The following UGT1A7 variants were observed in gnomAD, a reference collection of about 807,000 sequenced individuals.
UGT1A7 encodes UDP glucuronosyltransferase family 1 member A7, also known as UDP-glucuronosyltransferase 1A7.
In UGT1A7, 33 loss-of-function variants were observed where a neutral mutation model predicts 45.6. That is an observed-to-expected ratio of 0.72 (90% CI 0.55 to 0.97). The LOEUF (loss-of-function observed/expected upper bound fraction) is 0.97. Among genes scored for constraint, UGT1A7 ranks in the 50% least tolerant of loss-of-function variants. The pLI is 0.00. For synonymous variants in UGT1A7, 274 were observed against 250.6 expected (o/e 1.09, Z -0.88); for missense variants, 684 against 666.2 (o/e 1.03, Z -0.29).
chr2:233,724,332 G>A (rs1575552340), intron 1 of UGT1A7, among the ~76,000 whole-genome samples: 1 of 147,638 alleles, frequency 6.8e-6, no homozygotes, highest in Admixed American at 6.7e-5. Context: ...TGGCCAGGCG[G>A]GGGGCTGACC....
At chr2:233,726,821 A>G (rs4294999) in intron 1 of UGT1A7, among the ~76,000 whole-genome samples, 81,640 of 151,974 alleles carry the variant, frequency 0.54, 23,585 homozygotes, top group African/African-American at 0.76. Context: ...CCTCTATTCG[A>G]CCATTTAAAT....
At chr2:233,700,043 A>T (rs2075539170) in intron 1 of UGT1A7, among the ~76,000 whole-genome samples, 1 of 152,220 alleles carries the variant, frequency 6.6e-6, no homozygotes, top group South Asian at 2.1e-4. Context: ...ATCTAAATCA[A>T]TTCCAAGTGA....
rs71398794 is a variant in UGT1A7, at chr2:233,687,583, TAA to T, written c.855+4814_855+4815del. ...AGAATTCAAGACCATACATTCTTTG[TAA>T]AAAAAAAAAAAAAAAAAAAAAAGGA... On this transcript the variant is annotated intron_variant, in intron 1 of 4. Coordinates refer to ENST00000373426, the MANE Select transcript of UGT1A7 (RefSeq NM_019077.3). Among the ~76,000 whole-genome samples, 1,070 of 107,386 alleles carry T rather than the reference TAA, an allele frequency of 1.0e-2. 22 individuals are homozygous for T. The highest frequency in any genetic ancestry group is 0.033 in the African/African-American group (983 of 29,662). 70.4% of individuals were successfully genotyped at this position (107,386 alleles called of 152,430 possible).
At chr2:233,725,066 A>G (rs1162787353) in intron 1 of UGT1A7, among the ~76,000 whole-genome samples, 1 of 146,718 alleles carries the variant, frequency 6.8e-6, no homozygotes, top group South Asian at 2.3e-4. Flanking sequence ...GCGCGCCTGC[A>G]ATCGCAGGCA....
chr2:233,687,706 C>G (rs2074858956), intron 1 of UGT1A7, among the ~76,000 whole-genome samples: 1 of 151,774 alleles, frequency 6.6e-6, no homozygotes, highest in African/African-American at 2.4e-5. Flanking sequence ...AGTTTGAGAC[C>G]AGCCTGGACA....
At chr2:233,687,087 G>A (rs1165875503) in intron 1 of UGT1A7, among the ~76,000 whole-genome samples, 2 of 152,182 alleles carry the variant, frequency 1.3e-5, no homozygotes, top group Admixed American at 1.3e-4. Context: ...AAGTACTTCA[G>A]CTGTGACACT....
intron 1 of UGT1A7, among the ~76,000 whole-genome samples, chr2:233,757,362 A>G (rs970680016): frequency 6.6e-6 from 1 of 151,228 alleles, no homozygotes; most frequent in Non-Finnish European, 1.5e-5. Context: ...AGACAGTGGT[A>G]GAAACATCCA....
intron 1 of UGT1A7, chr2:233,748,082 C>T (rs1013967791): frequency 1.5e-5 from 25 of 1,612,926 alleles, no homozygotes; most frequent in East Asian, 6.7e-5. Context: ...TATCTCAGGT[C>T]GGTGTTCGTG....
chr2:233,766,941 CTT>C (rs1181613767), intron 1 of UGT1A7, 91 bp from the exon 2 acceptor site: 3 of 1,595,132 alleles, frequency 1.9e-6, no homozygotes, highest in African/African-American at 2.7e-5. Flanking sequence ...TAATCATAGT[CTT>C]AAGAGGAAGA....
intron 1 of UGT1A7, among the ~76,000 whole-genome samples, chr2:233,710,328 A>G (rs1227895445): frequency 6.6e-6 from 1 of 152,222 alleles, no homozygotes; most frequent in Non-Finnish European, 1.5e-5. Context: ...ATGACTTCAT[A>G]AGAAACAGTC....
intron 1 of UGT1A7, among the ~76,000 whole-genome samples, chr2:233,737,056 C>T (rs372490869): frequency 3.3e-5 from 5 of 152,206 alleles, no homozygotes; most frequent in South Asian, 2.1e-4. Context: ...ACTAGGAGAA[C>T]GAGTGCTCTC....
Position 233,682,698 on chromosome 2 carries a change from G to A in UGT1A7, c.761G>A (p.Arg254Gln), listed in dbSNP as rs144940363. 2 of 1,613,794 alleles carry A rather than the reference G, an allele frequency of 1.2e-6. No homozygotes were observed. Among genetic ancestry groups the A allele is most frequent in the South Asian group, 1.1e-5 (1 of 91,052 alleles). ...LYSHTSIWLL[R>Q]TDFVLEYPKP... ...AGCCACACATCAATTTGGTTGTTGCGAACTGACTTTGTTTTGGAGTATCCC... is the reference window on the plus strand; with the variant it reads ...AGCCACACATCAATTTGGTTGTTGCAAACTGACTTTGTTTTGGAGTATCCC... Residue 254 changes from arginine (R) to glutamine (Q), a missense_variant, in exon 1 of 5, where the codon CGA becomes CAA. Physicochemically the swap from Arg to Gln is conservative, Grantham distance 43. Transcript: ENST00000373426.
rs369738416 is a variant in UGT1A7 at position 233,718,805 on chromosome 2, G to A, written c.855+36013G>A. On this transcript the variant is annotated intron_variant, in intron 1 of 4. Transcript: ENST00000373426. The stretch of plus-strand genomic sequence containing the variant: ...AGCGTGGGGTGGACAGTCAGCTGTC[G>A]GTGGCTTCTGCTGAGATGGCCAGAG... 6.6e-5 allele frequency: 107 copies of A among 1,613,182 alleles called. No homozygotes were observed. The African/African-American group carries it at 1.2e-3, about 18-fold the overall frequency.
chr2:233,771,017 G>A (rs964132313), intron 4 of UGT1A7: 3 of 152,186 alleles, frequency 2.0e-5, no homozygotes, highest in African/African-American at 7.2e-5. Flanking sequence ...GCAGGAGCGA[G>A]AGAGAGTTGG....
Position 233,768,455 on chromosome 2 carries a change from CAGA to C in UGT1A7, c.1295+21_1295+23del, listed in dbSNP as rs1237588109. On this transcript the variant is annotated intron_variant, in intron 4 of 4. Transcript: ENST00000373426. The stretch of plus-strand genomic sequence containing the variant: ...ATGACAAAAGGTAAGAAAGAAGATA[CAGA>C]AGAATACTTTGGTCATGGCATTCAT... 4 of 1,610,124 alleles carry C rather than the reference CAGA, an allele frequency of 2.5e-6. No homozygotes were observed. The African/African-American group carries it at 5.4e-5, about 22-fold the overall frequency.
chr2:233,693,461 T>C (rs557551651), intron 1 of UGT1A7: 33 of 1,614,158 alleles, frequency 2.0e-5, no homozygotes, highest in South Asian at 7.7e-5. Context: ...AGACCCAGCC[T>C]TACCCTGTGG....
intron 1 of UGT1A7, chr2:233,729,898 C>T (rs756538337): frequency 1.5e-5 from 24 of 1,613,872 alleles, no homozygotes; most frequent in East Asian, 4.5e-5. Context: ...GTGGCTGTTC[C>T]GAGGGGACTT....
chr2:233,742,208 G>A (rs1691908549), intron 1 of UGT1A7, among the ~76,000 whole-genome samples: 1 of 152,036 alleles, frequency 6.6e-6, no homozygotes, highest in South Asian at 2.1e-4. Flanking sequence ...GGGACTCACA[G>A]CCTTCAGGGC....
At chr2:233,754,205 G>A (rs935702131) in intron 1 of UGT1A7, 1 of 163,140 alleles carries the variant, frequency 6.1e-6, no homozygotes, top group African/African-American at 2.4e-5. Context: ...AAACATTGAA[G>A]TCAAATGATT....
Sources: gnomAD v4.1 joint callset for allele counts (sites outside exome capture counted in the v4.1 genomes callset) on GRCh38, gnomAD v4.1.1 for gene constraint, MANE v1.5 for transcripts, NCBI Gene and HGNC (gene_info 2026-07-23, HGNC 2026-07-21) for gene names.